The following INO80E variants were observed in gnomAD, a reference collection of about 807,000 sequenced individuals.
INO80E encodes the protein coiled-coil domain containing 95.
A neutral mutation model predicts 27.3 loss-of-function variants in INO80E; 20 were observed. The ratio of observed to expected loss-of-function variants is 0.73; its 90% CI spans 0.51 to 1.06. INO80E has a LOEUF of 1.06. Among genes scored for constraint, INO80E ranks in the 50% least tolerant of loss-of-function variants. The probability of loss-of-function intolerance (pLI) is 0.00; values close to 1 mark genes in which losing one functional copy is unlikely to be tolerated. For missense variants in INO80E, 357 were observed against 322.8 expected, an observed-to-expected ratio of 1.11 and a Z score of -0.81; for synonymous variants, 167 against 145.9, an observed-to-expected ratio of 1.14 and a Z score of -1.04.
intron 3 of INO80E, 57 bp downstream of exon 3, chr16:29,996,917 TC>T (rs1187318114): frequency 3.2e-6 from 5 of 1,552,662 alleles, no homozygotes; most frequent in Non-Finnish European, 4.4e-6. Context: ...TTAGCAAGCT[TC>T]CTGGGCCCCC....
chr16:30,005,210 C>T lies in INO80E; in HGVS notation c.514-11C>T. ...TGACTAGTCCCCCTGTGTTTCTTCC[C>T]CCTGCTGCAGATGGCGGTGGGACCC... is the stretch of plus-strand genomic sequence containing the variant. On this transcript the variant is annotated splice_polypyrimidine_tract_variant and intron_variant, in intron 6 of 6. Coordinates refer to ENST00000563197, the MANE Select transcript of INO80E (RefSeq NM_173618.3). The T allele has an allele frequency of 1.4e-6, 2 of 1,441,406 alleles. No individual in the cohort carries two copies. Among genetic ancestry groups the T allele is most frequent in the Non-Finnish European group, 1.8e-6 (2 of 1,101,170 alleles). The allele number at this position is 1,441,406 out of a possible 1,614,324, so 89.3% of individuals were successfully genotyped here. A position where few individuals can be genotyped will look rare whatever the true frequency, so the allele number is the denominator to read the frequency against.
chr16:29,996,626 C>A lies in INO80E; in HGVS notation c.152+9C>A. The A allele has an allele frequency of 3.2e-6, 5 of 1,581,750 alleles. No individual in the cohort carries two copies. The highest frequency in any genetic ancestry group is 4.3e-6 in the Non-Finnish European group (5 of 1,163,692). ...GTGTCCCGGGACAAGAGGTGAGGCACGTTGCAGGGGCGGAGGGCGATGTGC... is the reference window on the plus strand; with the variant it reads ...GTGTCCCGGGACAAGAGGTGAGGCAAGTTGCAGGGGCGGAGGGCGATGTGC... On this transcript the variant is annotated intron_variant, in intron 2 of 6. Transcript: ENST00000563197.
chr16:30,005,323 C>CCCCCAG lies in INO80E; in HGVS notation c.617_618insCCCAGC (p.Pro206_Lys207insProAla). 1 of 1,329,954 alleles carries CCCCCAG rather than the reference C, an allele frequency of 7.5e-7. No homozygotes were observed. The highest frequency in any genetic ancestry group is 9.9e-7 in the Non-Finnish European group (1 of 1,011,914). The allele number at this position is 1,329,954 out of a possible 1,614,324, so 82.4% of individuals were successfully genotyped here. A position where few individuals can be genotyped will look rare whatever the true frequency, so the allele number is the denominator to read the frequency against. On this transcript the variant is annotated inframe_insertion, in exon 7 of 7. Coordinates refer to ENST00000563197, the MANE Select transcript of INO80E (RefSeq NM_173618.3). ...GACAACCCTGACCCCCCTCCCACCC[C>CCCCCAG]CTAAGATGCCCCCCCCCACGATCCT...
chr16:30,001,785 G>A (rs1042878357), intron 6 of INO80E: 6 of 471,716 alleles, frequency 1.3e-5, no homozygotes, highest in Admixed American at 3.7e-5. Flanking sequence ...GCAGTGTAGC[G>A]GGGCCAGGCT....
chr16:30,005,144 T>TG (rs966656945), intron 6 of INO80E, 77 bp from the exon 7 acceptor site: 92 of 1,404,446 alleles, frequency 6.6e-5, no homozygotes, highest in Non-Finnish European at 7.8e-5. Context: ...AGAGCTGCCC[T>TG]GGGGGGCAAA....
intron 6 of INO80E, chr16:30,001,843 G>A (rs926414422): frequency 8.4e-6 from 3 of 357,514 alleles, no homozygotes; most frequent in Admixed American, 4.3e-5. Context: ...GCCCCAGACC[G>A]GGTCAGGATT....
chr16:29,996,523 G>C, intron 1 of INO80E, 24 bp from the exon 2 acceptor site: 1 of 1,556,802 alleles, frequency 6.4e-7, no homozygotes, highest in Non-Finnish European at 8.7e-7. Flanking sequence ...CGTTGGCCCA[G>C]CGCACCCCTT....
rs368841674 is a variant in INO80E at position 29,996,856 on chromosome 16, T to C, written c.201T>C (p.Ser67=). The C allele has an allele frequency of 6.2e-7, 1 of 1,614,156 alleles. No homozygotes were observed. The highest frequency in any genetic ancestry group is 1.1e-5 in the South Asian group (1 of 91,084). ...LLQYENVDED[S]SDSDATASSD... ...AGTACGAGAACGTGGATGAAGACTC[T>C]TCGGGTGAGCAAGGTCTTCAAAAAT... Residue 67 remains serine, a synonymous_variant, in exon 3 of 7, where the codon TCT becomes TCC. Coordinates refer to ENST00000563197, the MANE Select transcript of INO80E (RefSeq NM_173618.3).
rs1209834703 is a variant in INO80E at position 29,996,247 on chromosome 16, G to A, written c.-64G>A. The A allele has an allele frequency of 4.1e-6, 6 of 1,471,512 alleles. No individual in the cohort carries two copies. In the Admixed American group the frequency reaches 1.2e-4, roughly 29 times the overall value. 91.2% of individuals were successfully genotyped at this position (1,471,512 alleles called of 1,614,324 possible). The stretch of plus-strand genomic sequence containing the variant: ...CGTCTCCGGAAGTGGAGGCGGGAGC[G>A]GCACGGCAGCCACTGCTTGGGGTAG... On this transcript the variant is annotated 5_prime_UTR_variant, in exon 1 of 7. Coordinates refer to ENST00000563197, the MANE Select transcript of INO80E (RefSeq NM_173618.3).
chr16:30,005,478 C>G lies in INO80E; in HGVS notation c.*36C>G. ...ACGCCATGCCCACCACGGCCCCGCC[C>G]GGCGCCCTCCCCGTGCCAGCACACA... On this transcript the variant is annotated 3_prime_UTR_variant, in exon 7 of 7. Coordinates refer to ENST00000563197, the MANE Select transcript of INO80E (RefSeq NM_173618.3). 6.4e-7 allele frequency: 1 copy of G among 1,554,146 alleles called. No homozygotes were observed. Among genetic ancestry groups the G allele is most frequent in the Non-Finnish European group, 8.7e-7 (1 of 1,146,578 alleles).
Position 30,001,418 on chromosome 16 carries a change from C to T in INO80E, c.401C>T (p.Ala134Val), listed in dbSNP as rs764348483. 6.9e-6 allele frequency: 11 copies of T among 1,594,960 alleles called. No individual in the cohort carries two copies. In the African/African-American group the frequency reaches 9.4e-5, roughly 14 times the overall value. ...CATCCCCGCTCCCGCCCGCAGCTGG[C>T]CTCCTCCCGCTACCCCCCATTCCCT... is the stretch of plus-strand genomic sequence containing the variant. ...GVPSPYLSSL[A>V]SSRYPPFPSD... Residue 134 changes from alanine (A) to valine (V), a missense_variant, in exon 6 of 7, where the codon GCC (alanine) becomes GTC (valine). Physicochemically the swap from Ala to Val is moderately conservative, Grantham distance 64. Coordinates refer to ENST00000563197, the MANE Select transcript of INO80E (RefSeq NM_173618.3).
intron 5 of INO80E, 147 bp from the exon 6 acceptor site, chr16:30,001,267 G>A: frequency 6.7e-7 from 1 of 1,489,698 alleles, no homozygotes; most frequent in Non-Finnish European, 9.0e-7. Flanking sequence ...TCCTGCTGCT[G>A]CCCGGCCCTT....
Position 30,000,855 on chromosome 16 carries a change from C to G in INO80E, c.284+19C>G, listed in dbSNP as rs755193308. On this transcript the variant is annotated intron_variant, in intron 4 of 6. Transcript: ENST00000563197. ...CTAAGAGGTGAGAAGAAGATGCATT[C>G]CTCTCGCTGGGGAGGGTCAGGTGGG... 1.2e-6 allele frequency: 2 copies of G among 1,613,260 alleles called. No individual in the cohort carries two copies.
chr16:29,998,929 C>T (rs1042867831), intron 3 of INO80E, among the ~76,000 whole-genome samples: 1 of 152,016 alleles, frequency 6.6e-6, no homozygotes, highest in African/African-American at 2.4e-5. Context: ...CCTGTAGTCC[C>T]AGCTACTCAG....
In INO80E at chr16:30,000,746, TC is replaced by T. The variant is rs1383092068; in HGVS notation, c.206-8del. ...TCCCCCCATCCCCACTGACCAGCTGTCCCCATCACAGACTCAGATGCCACTG... is the reference window on the plus strand; with the variant it reads ...TCCCCCCATCCCCACTGACCAGCTGTCCCATCACAGACTCAGATGCCACTG... On this transcript the variant is annotated splice_polypyrimidine_tract_variant and intron_variant, in intron 3 of 6. Coordinates refer to ENST00000563197, the MANE Select transcript of INO80E (RefSeq NM_173618.3). The T allele has an allele frequency of 1.1e-5, 17 of 1,612,788 alleles. No homozygotes were observed. Among genetic ancestry groups the T allele is most frequent in the Non-Finnish European group, 1.4e-5 (17 of 1,178,864 alleles).
At chr16:29,997,932 A>C (rs2070197272) in intron 3 of INO80E, among the ~76,000 whole-genome samples, 6 of 152,102 alleles carry the variant, frequency 3.9e-5, no homozygotes, top group Admixed American at 3.9e-4. Context: ...TTAAAAAAAA[A>C]TTAGCCATGT....
chr16:29,996,872 C>T lies in INO80E; in HGVS notation c.205+12C>T, dbSNP rs776391289. The T allele has an allele frequency of 6.2e-7, 1 of 1,613,844 alleles. No individual in the cohort carries two copies. Among genetic ancestry groups the T allele is most frequent in the Non-Finnish European group, 8.5e-7 (1 of 1,179,708 alleles). ...TGAAGACTCTTCGGGTGAGCAAGGTCTTCAAAAATTGGTGGAGAGCATGGT... is the reference window on the plus strand; with the variant it reads ...TGAAGACTCTTCGGGTGAGCAAGGTTTTCAAAAATTGGTGGAGAGCATGGT... On this transcript the variant is annotated intron_variant, in intron 3 of 6. Transcript: ENST00000563197.
chr16:30,001,436 C>G lies in INO80E; in HGVS notation c.419C>G (p.Pro140Arg). Residue 140 changes from proline (P) to arginine (R), a missense_variant, in exon 6 of 7, where the codon CCA becomes CGA. Physicochemically the swap from Pro to Arg is moderately radical, Grantham distance 103 (BLOSUM62 -2). Transcript: ENST00000563197. ...CAGCTGGCCTCCTCCCGCTACCCCC[C>G]ATTCCCTTCTGACTACCTGGCCCTG... ...LSSLASSRYP[P>R]FPSDYLALQL... 2 of 1,610,364 alleles carry G rather than the reference C, an allele frequency of 1.2e-6. No homozygotes were observed. Among genetic ancestry groups the G allele is most frequent in the African/African-American group, 2.7e-5 (2 of 74,962 alleles).
rs754906011 is a variant in INO80E at position 30,001,402 on chromosome 16, TC to T, written c.397-9del. On this transcript the variant is annotated splice_polypyrimidine_tract_variant and intron_variant, in intron 5 of 6. Coordinates refer to ENST00000563197, the MANE Select transcript of INO80E (RefSeq NM_173618.3). ...TTCCGCCTCCCATCTCCATCCCCGC[TC>T]CCGCCCGCAGCTGGCCTCCTCCCGC... 5.3e-4 allele frequency: 831 copies of T among 1,577,474 alleles called. 1 individual carries two copies. Among genetic ancestry groups the T allele is most frequent in the Non-Finnish European group, 6.6e-4 (769 of 1,159,970 alleles).
Sources: gnomAD v4.1 joint callset for allele counts (sites outside exome capture counted in the v4.1 genomes callset) on GRCh38, gnomAD v4.1.1 for gene constraint, MANE v1.5 for transcripts, NCBI Gene and HGNC (gene_info 2026-07-23, HGNC 2026-07-21) for gene names.